FSTL4: variants seen among roughly 807,000 people sequenced by gnomAD.
The protein encoded by FSTL4 is follistatin-related protein 4.
FSTL4 carries 28 observed loss-of-function variants against 78.2 expected under a neutral mutation model. The observed-to-expected ratio is 0.36, with a 90% confidence interval of 0.27 to 0.49. The LOEUF is 0.49. Among genes scored for constraint, FSTL4 ranks in the 20% least tolerant of loss-of-function variants. The probability of loss-of-function intolerance (pLI) is 0.98; values close to 1 mark genes in which losing one functional copy is unlikely to be tolerated. For synonymous variants in FSTL4, 422 were observed against 440.5 expected (o/e 0.96, Z 0.53); for missense variants, 922 against 1,084.9 (o/e 0.85, Z 2.11).
chr5:133,784,321 T>C, the FSTL4 span, among the ~76,000 whole-genome samples: 1 of 152,220 alleles, frequency 6.6e-6, no homozygotes, highest in African/African-American at 2.4e-5. Flanking sequence ...AAGTCTATTT[T>C]ATGGGTGCAT....
At chr5:133,778,193 C>A in the FSTL4 span, among the ~76,000 whole-genome samples, 8 of 152,336 alleles carry the variant, frequency 5.3e-5, no homozygotes, top group East Asian at 5.8e-4. Context: ...AAACCACAGG[C>A]CCTGCCTGGT....
chr5:133,284,515 C>T (rs907717988), intron 6 of FSTL4, among the ~76,000 whole-genome samples: 7 of 152,174 alleles, frequency 4.6e-5, no homozygotes, highest in African/African-American at 7.2e-5. Context: ...AGTGCCTGCC[C>T]GGGCAGTCTC....
At chr5:133,628,283 C>CA in the FSTL4 span, among the ~76,000 whole-genome samples, 1 of 151,758 alleles carries the variant, frequency 6.6e-6, no homozygotes, top group East Asian at 1.9e-4. Flanking sequence ...CTGAAAGAGA[C>CA]AGAGACACAA....
At chr5:133,229,337 C>T (rs773066377) in intron 8 of FSTL4, among the ~76,000 whole-genome samples, 5 of 152,030 alleles carry the variant, frequency 3.3e-5, no homozygotes, top group African/African-American at 4.8e-5. Context: ...GCCTGGGCAA[C>T]GTTGTGAAAC....
At chr5:133,678,138 G>T in the FSTL4 span, among the ~76,000 whole-genome samples, 1 of 152,146 alleles carries the variant, frequency 6.6e-6, no homozygotes, top group Non-Finnish European at 1.5e-5. Flanking sequence ...ACCATGTTGT[G>T]TGTGGAGCCC....
intron 6 of FSTL4, among the ~76,000 whole-genome samples, chr5:133,309,109 T>C (rs1753719040): frequency 6.6e-6 from 1 of 152,196 alleles, no homozygotes; most frequent in Non-Finnish European, 1.5e-5. Context: ...GCTTTTTAGA[T>C]GAGCAACTTT....
intron 4 of FSTL4, among the ~76,000 whole-genome samples, chr5:133,336,901 G>A (rs1754475311): frequency 6.6e-6 from 1 of 152,194 alleles, no homozygotes; most frequent in Non-Finnish European, 1.5e-5. Flanking sequence ...CCCGGGGCAG[G>A]GGCTGTGTCC....
intron 3 of FSTL4, among the ~76,000 whole-genome samples, chr5:133,469,238 T>G (rs6896425): frequency 0.35 from 52,579 of 152,010 alleles, 9,189 homozygotes; most frequent in East Asian, 0.47. Flanking sequence ...AGGTGATAGA[T>G]TCTCCTCTGT....
intron 3 of FSTL4, among the ~76,000 whole-genome samples, chr5:133,456,204 G>A (rs79257626): frequency 6.6e-6 from 1 of 152,350 alleles, no homozygotes; most frequent in Non-Finnish European, 1.5e-5. Flanking sequence ...GATTTCTGCA[G>A]CACATCATTC....
At chr5:133,508,256 A>G (rs1758652771) in intron 3 of FSTL4, among the ~76,000 whole-genome samples, 1 of 152,210 alleles carries the variant, frequency 6.6e-6, no homozygotes, top group African/African-American at 2.4e-5. Flanking sequence ...AACTGTTATT[A>G]ACTATTATTC....
At chr5:133,649,247 A>T in the FSTL4 span, among the ~76,000 whole-genome samples, 2 of 152,144 alleles carry the variant, frequency 1.3e-5, no homozygotes, top group African/African-American at 4.8e-5. Context: ...ATGTGCCACA[A>T]TCTATCCATT....
At chr5:133,517,447 A>AAAATATATATATATATATATAT (rs1554068019) in intron 3 of FSTL4, among the ~76,000 whole-genome samples, 1 of 16,416 alleles carries the variant, frequency 6.1e-5, no homozygotes, top group African/African-American at 2.8e-4. Context: ...AAAAAAAAAA[A>AAAATATATATATATATATATAT]ATATATATAT....
the FSTL4 span, among the ~76,000 whole-genome samples, chr5:133,820,663 C>T: frequency 3.9e-5 from 6 of 152,214 alleles, no homozygotes; most frequent in African/African-American, 1.2e-4. Context: ...CTGCAACATT[C>T]GCCAAACCCG....
At chr5:133,818,001 C>T in the FSTL4 span, among the ~76,000 whole-genome samples, 6 of 152,216 alleles carry the variant, frequency 3.9e-5, no homozygotes, top group Admixed American at 1.3e-4. Flanking sequence ...CTGCCTGGCT[C>T]CTAAGCCAGG....
intron 3 of FSTL4, among the ~76,000 whole-genome samples, chr5:133,419,650 C>T: frequency 6.6e-6 from 1 of 152,218 alleles, no homozygotes; most frequent in African/African-American, 2.4e-5. Context: ...AAAAGGTTTA[C>T]TTTTTAAAGA....
At chr5:133,550,049 G>A (rs1580782927) in intron 3 of FSTL4, among the ~76,000 whole-genome samples, 1 of 152,184 alleles carries the variant, frequency 6.6e-6, no homozygotes, top group East Asian at 1.9e-4. Context: ...AACAATCAGA[G>A]TTCAAGGTCA....
chr5:133,227,488 T>C (rs1024722136), intron 8 of FSTL4, among the ~76,000 whole-genome samples: 3 of 152,170 alleles, frequency 2.0e-5, no homozygotes, highest in Non-Finnish European at 4.4e-5. Flanking sequence ...TCCCTTTGAA[T>C]AGATAGAATT....
the FSTL4 span, among the ~76,000 whole-genome samples, chr5:133,792,537 C>T: frequency 6.6e-6 from 1 of 152,302 alleles, no homozygotes; most frequent in Middle Eastern, 3.4e-3. Flanking sequence ...CATGCACATC[C>T]ATGTAGAAAT....
intron 3 of FSTL4, among the ~76,000 whole-genome samples, chr5:133,415,875 G>A (rs1371301054): frequency 6.6e-6 from 1 of 152,220 alleles, no homozygotes; most frequent in African/African-American, 2.4e-5. Flanking sequence ...AATGAACTCT[G>A]TGGTTGGACT....
Sources: gnomAD v4.1 joint callset for allele counts (sites outside exome capture counted in the v4.1 genomes callset) on GRCh38, gnomAD v4.1.1 for gene constraint, MANE v1.5 for transcripts, NCBI Gene and HGNC (gene_info 2026-07-23, HGNC 2026-07-21) for gene names.